The following SLC19A2 variants were observed in gnomAD, a reference collection of about 807,000 sequenced individuals.
SLC19A2 encodes solute carrier family 19 member 2.
In SLC19A2, 27 loss-of-function variants were observed where a neutral mutation model predicts 44.7. That is an observed-to-expected ratio of 0.60 (90% CI 0.45 to 0.83). The LOEUF is 0.83. SLC19A2 is among the 40% of genes least tolerant of loss of function. The pLI, the probability that SLC19A2 is intolerant of heterozygous loss-of-function variation, is 0.00. For synonymous variants in SLC19A2, 239 were observed against 243.6 expected, an observed-to-expected ratio of 0.98 and a Z score of 0.18; for missense variants, 566 against 613.7, an observed-to-expected ratio of 0.92 and a Z score of 0.82.
At chr1:169,478,658 G>T (rs945823924) in intron 1 of SLC19A2, among the ~76,000 whole-genome samples, 21 of 149,774 alleles carry the variant, frequency 1.4e-4, no homozygotes, top group Admixed American at 1.1e-3. Context: ...ACAGACATGT[G>T]AGCCATCTGG....
chr1:169,465,947 T>C lies in SLC19A2; in HGVS notation c.1396A>G (p.Ile466Val), dbSNP rs1244432833. The C allele has an allele frequency of 6.2e-7, 1 of 1,614,034 alleles. No individual in the cohort carries two copies. The highest frequency in any genetic ancestry group is 8.5e-7 in the Non-Finnish European group (1 of 1,179,966). The change falls in exon 6 of 6, where the codon ATC becomes GTC. Residue 466 changes from isoleucine (I) to valine (V), a missense_variant. Coordinates refer to ENST00000236137, the MANE Select transcript of SLC19A2 (RefSeq NM_006996.3). ...CCACTGGCCAGGAAAACCACAGCGATGAGTGCAAAATAACTGGCATAGATC... is the reference window on the plus strand; with the variant it reads ...CCACTGGCCAGGAAAACCACAGCGACGAGTGCAAAATAACTGGCATAGATC... ...FLIYASYFAL[I>V]AVVFLASGAV...
In SLC19A2 at chr1:169,468,678, T is replaced by A. The variant is rs371383730; in HGVS notation, c.1189A>T (p.Arg397Ter). Residue 397 changes from arginine (R) to a stop codon, truncating the protein, a stop_gained, in exon 4 of 6, where the codon AGA becomes TGA. Coordinates refer to ENST00000236137, the MANE Select transcript of SLC19A2 (RefSeq NM_006996.3). LOFTEE classifies it high-confidence loss of function. ...WVCYASYVVFRIIYMLLITIA... is the reference protein window; with the variant it reads ...WVCYASYVVF ...GTGATGAGTAACATGTAGATGATTC[T>A]GAAGACAACATAGGATGCATAGCAC... 9.9e-6 allele frequency: 16 copies of A among 1,613,812 alleles called. No homozygotes were observed. Among genetic ancestry groups the A allele is most frequent in the Non-Finnish European group, 1.4e-5 (16 of 1,179,872 alleles).
At chr1:169,474,443 C>T (rs1219681481) in intron 2 of SLC19A2, among the ~76,000 whole-genome samples, 4 of 152,166 alleles carry the variant, frequency 2.6e-5, no homozygotes, top group Non-Finnish European at 4.4e-5. Context: ...CAGCCAACTA[C>T]ATAATGAATC....
At chr1:169,466,511 T>C (rs1003399685) in intron 5 of SLC19A2, among the ~76,000 whole-genome samples, 10 of 147,276 alleles carry the variant, frequency 6.8e-5, no homozygotes, top group African/African-American at 2.4e-4. Context: ...AATGTAAGAA[T>C]TCTTCCCTAA....
chr1:169,466,087 C>T (rs1472532892), intron 5 of SLC19A2, 110 bp from the exon 6 acceptor site: 8 of 1,251,740 alleles, frequency 6.4e-6, no homozygotes, highest in Non-Finnish European at 4.5e-6. Context: ...TGCATACTTA[C>T]ACCACGTGCC....
chr1:169,477,770 G>GAA lies in SLC19A2; in HGVS notation c.205-15_205-14dup, dbSNP rs755410874. 461 of 1,231,438 alleles carry GAA rather than the reference G, an allele frequency of 3.7e-4. No individual in the cohort carries two copies. The African/African-American group carries it at 3.9e-3, about 10-fold the overall frequency. The allele number at this position is 1,231,438 out of a possible 1,614,324, so 76.3% of individuals were successfully genotyped here. Reference sequence around the variant, plus strand: ...TTTCATTGAAGACCTGGTAGAAAGAGAAAAAAAAAAAACAAAAAACATTAG... The same window carrying GAA: ...TTTCATTGAAGACCTGGTAGAAAGAGAAAAAAAAAAAAAACAAAAAACATTAG... On this transcript the variant is annotated splice_polypyrimidine_tract_variant and intron_variant, in intron 1 of 5. Transcript: ENST00000236137.
chr1:169,469,016 A>G (rs1658103585), intron 3 of SLC19A2, 180 bp from the exon 4 acceptor site: 1 of 603,824 alleles, frequency 1.7e-6, no homozygotes, highest in African/African-American at 1.9e-5. Flanking sequence ...AATCAATAAA[A>G]TGGAGCCACT....
intron 2 of SLC19A2, among the ~76,000 whole-genome samples, chr1:169,471,499 AC>A (rs1658179150): frequency 1.5e-5 from 2 of 132,530 alleles, no homozygotes; most frequent in African/African-American, 2.7e-5. Flanking sequence ...ACACACACAC[AC>A]ACACACACAA....
At position 169,470,017 on chromosome 1, in the gene SLC19A2, G is replaced by T. The variant is rs757640624; in HGVS notation, c.977C>A (p.Ser326Tyr). 6 of 1,613,874 alleles carry T rather than the reference G, an allele frequency of 3.7e-6. No homozygotes were observed. The African/African-American group carries it at 6.7e-5, about 18-fold the overall frequency. Reference sequence around the variant, plus strand: ...ACCATTATAGATAGCAGCATAGCGAGAAGGCATCACTTTCTCCCACAGGCC... The same window carrying T: ...ACCATTATAGATAGCAGCATAGCGATAAGGCATCACTTTCTCCCACAGGCC... Reference protein sequence around the residue: ...TQGLWEKVMPSRYAAIYNGGV... With the variant: ...TQGLWEKVMPYRYAAIYNGGV... The change falls in exon 3 of 6, where the codon TCT becomes TAT. Residue 326 changes from serine to tyrosine, a missense_variant. Transcript: ENST00000236137.
chr1:169,467,228 T>C (rs1261851313), intron 5 of SLC19A2, among the ~76,000 whole-genome samples: 2 of 152,150 alleles, frequency 1.3e-5, no homozygotes, highest in Non-Finnish European at 2.9e-5. Flanking sequence ...GGTTAGATGT[T>C]GGTTTAACTC....
chr1:169,480,910 G>A (rs914515335), intron 1 of SLC19A2, among the ~76,000 whole-genome samples: 2 of 152,160 alleles, frequency 1.3e-5, no homozygotes, highest in Non-Finnish European at 2.9e-5. Flanking sequence ...CTTTACTCAT[G>A]AGTCTAATTC....
Position 169,465,827 on chromosome 1 carries a change from G to A in SLC19A2, c.*22C>T. 1 of 1,611,738 alleles carries A rather than the reference G, an allele frequency of 6.2e-7. No homozygotes were observed. The highest frequency in any genetic ancestry group is 8.5e-7 in the Non-Finnish European group (1 of 1,179,458). ...TTGCTGTGCAGAGTTCTTGCTATAA[G>A]AAGAAGCCCTTCAGCAGTATATTAT... On this transcript the variant is annotated 3_prime_UTR_variant, in exon 6 of 6. Transcript: ENST00000236137.
intron 1 of SLC19A2, among the ~76,000 whole-genome samples, chr1:169,483,528 T>C (rs1489041386): frequency 6.6e-6 from 1 of 152,184 alleles, no homozygotes; most frequent in Non-Finnish European, 1.5e-5. Flanking sequence ...CTCAACTAAT[T>C]TGCAATAAGA....
intron 1 of SLC19A2, among the ~76,000 whole-genome samples, chr1:169,478,813 G>A (rs2101782374): frequency 6.6e-6 from 1 of 152,098 alleles, no homozygotes; most frequent in South Asian, 2.1e-4. Flanking sequence ...GCCTATGGCT[G>A]CTACTCAGGA....
At position 169,464,395 on chromosome 1, in the gene SLC19A2, A is replaced by G. The variant is rs1657939891; in HGVS notation, c.*1454T>C. On this transcript the variant is annotated 3_prime_UTR_variant, in exon 6 of 6. Transcript: ENST00000236137. ...TGTTCTTTTCCTTTCCCTTAATAGT[A>G]AAGGATGGTGAATAGAAAATGACCT... 1 of 152,242 alleles carries G rather than the reference A, an allele frequency of 6.6e-6. No homozygotes were observed. The highest frequency in any genetic ancestry group is 1.5e-5 in the Non-Finnish European group (1 of 68,006). 9.4% of individuals were successfully genotyped at this position (152,242 alleles called of 1,614,324 possible).
intron 5 of SLC19A2, 39 bp from the exon 6 acceptor site, chr1:169,466,016 CAAG>C: frequency 6.2e-7 from 1 of 1,610,902 alleles, no homozygotes; most frequent in Non-Finnish European, 8.5e-7. Flanking sequence ...TTATCAATGA[CAAG>C]AGGATTACTC....
intron 2 of SLC19A2, among the ~76,000 whole-genome samples, chr1:169,471,031 T>G (rs1373318344): frequency 6.8e-6 from 1 of 146,724 alleles, no homozygotes; most frequent in African/African-American, 2.5e-5. Flanking sequence ...AAGACCAGCC[T>G]GGGCAAGAAA....
At position 169,485,546 on chromosome 1, in the gene SLC19A2, G is replaced by A. The variant is rs909260756; in HGVS notation, c.204+17C>T. The A allele has an allele frequency of 8.9e-6, 14 of 1,573,346 alleles. No homozygotes were observed. In the African/African-American group the frequency reaches 1.2e-4, roughly 14 times the overall value. On this transcript the variant is annotated intron_variant, in intron 1 of 5. Coordinates refer to ENST00000236137, the MANE Select transcript of SLC19A2 (RefSeq NM_006996.3). ...CGGTCGCCCGCCCTTCCCGCGCCCCGCGTCCGCCGCGCGTACCTCCCTCTC... is the reference window on the plus strand; with the variant it reads ...CGGTCGCCCGCCCTTCCCGCGCCCCACGTCCGCCGCGCGTACCTCCCTCTC...
At position 169,465,971 on chromosome 1, in the gene SLC19A2, T is replaced by A; in HGVS notation, c.1372A>T (p.Ile458Phe). ...LGLEITTQFL[I>F]YASYFALIAV... ...ATGAGTGCAAAATAACTGGCATAGATCAAAAACTAGAAGGGGGAAAAGCAG... is the reference window on the plus strand; with the variant it reads ...ATGAGTGCAAAATAACTGGCATAGAACAAAAACTAGAAGGGGGAAAAGCAG... The change falls in exon 6 of 6, where the codon ATC becomes TTC. Residue 458 changes from isoleucine to phenylalanine, a missense_variant. Coordinates refer to ENST00000236137, the MANE Select transcript of SLC19A2 (RefSeq NM_006996.3). 1.2e-6 allele frequency: 2 copies of A among 1,613,982 alleles called. No homozygotes were observed. Among genetic ancestry groups the A allele is most frequent in the Non-Finnish European group, 8.5e-7 (1 of 1,179,898 alleles).
Sources: allele counts gnomAD v4.1 joint callset (sites outside exome capture counted in the v4.1 genomes callset), GRCh38; gene constraint gnomAD v4.1.1; transcripts MANE v1.5; gene names NCBI Gene and HGNC (gene_info 2026-07-23, HGNC 2026-07-21).